TDRD5: variants seen among roughly 807,000 people sequenced by gnomAD.
TDRD5 encodes tudor domain-containing protein 5.
Under a neutral mutation model 120.6 loss-of-function variants are expected in TDRD5, and 41 were observed. The ratio of observed to expected loss-of-function variants is 0.34; its 90% CI spans 0.26 to 0.44. The LOEUF (loss-of-function observed/expected upper bound fraction) is 0.44, where lower values mean the gene tolerates loss of function less well. TDRD5 is among the 20% of genes least tolerant of loss of function. The pLI is 1.00. For synonymous variants in TDRD5, 430 were observed against 433.7 expected (o/e 0.99, Z 0.11); for missense variants, 1,006 against 1,221.2 (o/e 0.82, Z 2.63).
At chr1:179,678,086 TGG>T (rs1053489357) in intron 17 of TDRD5, among the ~76,000 whole-genome samples, 1 of 145,244 alleles carries the variant, frequency 6.9e-6, no homozygotes, top group African/African-American at 2.6e-5. Flanking sequence ...GCGGCTGCTA[TGG>T]GGGTGGGGGT....
intron 11 of TDRD5, among the ~76,000 whole-genome samples, chr1:179,644,688 A>G (rs1678245916): frequency 6.6e-6 from 1 of 152,080 alleles, no homozygotes; most frequent in Non-Finnish European, 1.5e-5. Context: ...TGACATCTGT[A>G]GTGATATGTC....
At chr1:179,623,676 C>T (rs1327468765) in intron 6 of TDRD5, among the ~76,000 whole-genome samples, 2 of 146,210 alleles carry the variant, frequency 1.4e-5, no homozygotes, top group Non-Finnish European at 3.0e-5. Flanking sequence ...CACTGTCACC[C>T]AGGCTGGAGT....
chr1:179,643,606 GTC>G (rs1409970855), intron 11 of TDRD5, among the ~76,000 whole-genome samples: 6 of 138,972 alleles, frequency 4.3e-5, no homozygotes, highest in African/African-American at 1.6e-4. Context: ...CAGTGGAGGA[GTC>G]TATGAACTTT....
chr1:179,643,683 G>C (rs1678178899), intron 11 of TDRD5, among the ~76,000 whole-genome samples: 1 of 152,152 alleles, frequency 6.6e-6, no homozygotes, highest in African/African-American at 2.4e-5. Context: ...AGTGAAAATG[G>C]ACAGAGACTT....
At chr1:179,685,833 GCTCT>G (rs573620799) in intron 17 of TDRD5, among the ~76,000 whole-genome samples, 86 of 151,410 alleles carry the variant, frequency 5.7e-4, no homozygotes, top group African/African-American at 1.9e-3. Flanking sequence ...TCATGATTTG[GCTCT>G]CTGTTTGTCT....
intron 4 of TDRD5, among the ~76,000 whole-genome samples, chr1:179,598,448 T>C (rs1001556352): frequency 1.5e-4 from 23 of 152,192 alleles, no homozygotes; most frequent in African/African-American, 5.5e-4. Context: ...TCTATAGATA[T>C]GTTTGGGGGG....
rs78787031 is a variant in TDRD5, at chr1:179,594,938, T to C, written c.641-690T>C. ...TTGTAGAAAGCACTTTACCAATTTA[T>C]TGAATAGTGGGGGGTGAATATTCCT... On this transcript the variant is annotated intron_variant, in intron 3 of 17. Coordinates refer to ENST00000444136, the MANE Select transcript of TDRD5 (RefSeq NM_001199085.3). Among the ~76,000 whole-genome samples, 1,215 of 152,350 alleles carry C rather than the reference T, an allele frequency of 8.0e-3. 20 individuals are homozygous for C. The highest frequency in any genetic ancestry group is 0.028 in the African/African-American group (1,155 of 41,586).
Position 179,592,774 on chromosome 1 carries a change from T to C in TDRD5, c.159T>C (p.Thr53=), listed in dbSNP as rs1454100867. ...LPLRILGYRS[T]MELVLDMPDV... ...TCCGAATCCTTGGGTATCGGTCCAC[T>C]ATGGAGCTGGTATTGGACATGCCTG... The change falls in exon 2 of 18, where the codon ACT becomes ACC. Residue 53 remains threonine, a synonymous_variant. Transcript: ENST00000444136. 1.2e-6 allele frequency: 2 copies of C among 1,614,190 alleles called. No homozygotes were observed. Among genetic ancestry groups the C allele is most frequent in the Non-Finnish European group, 8.5e-7 (1 of 1,180,030 alleles).
chr1:179,601,054 C>T (rs926307496), intron 4 of TDRD5, among the ~76,000 whole-genome samples: 1 of 152,040 alleles, frequency 6.6e-6, no homozygotes, highest in Admixed American at 6.6e-5. Flanking sequence ...TCATAATTCA[C>T]TTCAAAAGAA....
chr1:179,594,222 T>C (rs1004059807), intron 3 of TDRD5, among the ~76,000 whole-genome samples: 5 of 152,202 alleles, frequency 3.3e-5, no homozygotes, highest in Admixed American at 2.6e-4. Context: ...ATAAATAAGC[T>C]ATATGGAAAA....
In TDRD5 at chr1:179,669,949, A is replaced by G. The variant is rs78055576; in HGVS notation, c.2860+545A>G. On this transcript the variant is annotated intron_variant, in intron 17 of 17. Transcript: ENST00000444136. Reference sequence around the variant, plus strand: ...TGCTCCTATTTATTTGCTGAATAGTATTCAGTTACATGGATATACCACAAT... The same window carrying G: ...TGCTCCTATTTATTTGCTGAATAGTGTTCAGTTACATGGATATACCACAAT... Among the ~76,000 whole-genome samples the G allele has an allele frequency of 7.0e-3, 1,065 of 152,362 alleles. 30 individuals are homozygous for G. Among genetic ancestry groups the G allele is most frequent in the Admixed American group, 0.055 (849 of 15,300 alleles).
intron 16 of TDRD5, among the ~76,000 whole-genome samples, chr1:179,665,181 T>A (rs1397091245): frequency 1.3e-5 from 2 of 152,172 alleles, no homozygotes; most frequent in Non-Finnish European, 1.5e-5. Context: ...ATATATTATT[T>A]TCAAATTTTC....
chr1:179,680,528 C>G (rs1680366935), intron 17 of TDRD5, among the ~76,000 whole-genome samples: 1 of 152,158 alleles, frequency 6.6e-6, no homozygotes, highest in African/African-American at 2.4e-5. Flanking sequence ...TTAATTTACT[C>G]TTTATCCTTC....
intron 6 of TDRD5, among the ~76,000 whole-genome samples, chr1:179,627,433 A>C (rs4133263): frequency 2.0e-4 from 30 of 152,324 alleles, no homozygotes; most frequent in African/African-American, 7.2e-4. Flanking sequence ...GGAAGAAGAA[A>C]GGGTGAACAT....
chr1:179,612,904 G>A (rs1261650474), intron 4 of TDRD5, among the ~76,000 whole-genome samples: 1 of 144,264 alleles, frequency 6.9e-6, no homozygotes, highest in Non-Finnish European at 1.5e-5. Context: ...CCATTGCACT[G>A]CAGCCTGGGT....
chr1:179,601,891 C>A (rs759056356), intron 4 of TDRD5, among the ~76,000 whole-genome samples: 7 of 152,202 alleles, frequency 4.6e-5, no homozygotes, highest in Non-Finnish European at 1.0e-4. Context: ...CTGCAGCCTC[C>A]ATCTCCTGGG....
Position 179,592,054 on chromosome 1 carries a change from G to C in TDRD5, c.-86G>C, listed in dbSNP as rs1217145718. Reference sequence around the variant, plus strand: ...AGAGAGCCGCCAGGGCAGGTGGAAGGGCCACGCCCCGCTCCCGTGAGGGTC... The same window carrying C: ...AGAGAGCCGCCAGGGCAGGTGGAAGCGCCACGCCCCGCTCCCGTGAGGGTC... On this transcript the variant is annotated 5_prime_UTR_variant, in exon 1 of 18. Transcript: ENST00000444136. 3 of 153,248 alleles carry C rather than the reference G, an allele frequency of 2.0e-5. No homozygotes were observed. The highest frequency in any genetic ancestry group is 4.4e-5 in the Non-Finnish European group (3 of 68,838). The allele number at this position is 153,248 out of a possible 1,614,324, so 9.5% of individuals were successfully genotyped here.
At position 179,640,185 on chromosome 1, in the gene TDRD5, T is replaced by C. The variant is rs145653019; in HGVS notation, c.1733+134T>C. 8 of 1,106,022 alleles carry C rather than the reference T, an allele frequency of 7.2e-6. No homozygotes were observed. The East Asian group carries it at 1.7e-4, about 24-fold the overall frequency. 68.5% of individuals were successfully genotyped at this position (1,106,022 alleles called of 1,614,324 possible). A position where few individuals can be genotyped will look rare whatever the true frequency, so the allele number is the denominator to read the frequency against. ...TTCCTTCCTTCTTCTTAGTGCATAT[T>C]TGACAACTGGGTCATTTCATTTCAC... On this transcript the variant is annotated intron_variant, in intron 10 of 17. Coordinates refer to ENST00000444136, the MANE Select transcript of TDRD5 (RefSeq NM_001199085.3).
At chr1:179,678,078 G>A (rs888415232) in intron 17 of TDRD5, among the ~76,000 whole-genome samples, 14 of 152,128 alleles carry the variant, frequency 9.2e-5, no homozygotes, top group South Asian at 2.1e-4. Context: ...GGCTTGCTGC[G>A]GCTGCTATGG....
Sources: gnomAD v4.1 joint callset for allele counts (sites outside exome capture counted in the v4.1 genomes callset) on GRCh38, gnomAD v4.1.1 for gene constraint, MANE v1.5 for transcripts, NCBI Gene and HGNC (gene_info 2026-07-23, HGNC 2026-07-21) for gene names.